TNS4: variants seen among roughly 807,000 people sequenced by gnomAD.
The protein encoded by TNS4 is tensin 4, also known as tensin-4.
A neutral mutation model predicts 70.4 loss-of-function variants in TNS4; 46 were observed. The ratio of observed to expected loss-of-function variants is 0.65; its 90% confidence interval spans 0.52 to 0.84. The LOEUF (loss-of-function observed/expected upper bound fraction) is 0.84. TNS4 is among the 40% of genes least tolerant of loss of function. The pLI is 0.00. For missense variants in TNS4, 863 were observed against 907.0 expected (o/e 0.95, Z 0.62); for synonymous variants, 390 against 366.6 (o/e 1.06, Z -0.73).
chr17:40,482,466 G>C (rs529352319), intron 6 of TNS4, 50 bp from the exon 7 acceptor site: 2 of 1,585,482 alleles, frequency 1.3e-6, no homozygotes, highest in Non-Finnish European at 1.7e-6. Flanking sequence ...CCTTGTGGCC[G>C]GGCGCGGTGG....
chr17:40,491,668 G>A (rs543994133), intron 2 of TNS4, among the ~76,000 whole-genome samples: 1 of 152,162 alleles, frequency 6.6e-6, no homozygotes, highest in Non-Finnish European at 1.5e-5. Context: ...GAGAGCGGGA[G>A]GGGAGGGAGG....
Position 40,487,245 on chromosome 17 carries a change from C to T in TNS4, c.1079G>A (p.Ser360Asn). The T allele has an allele frequency of 6.2e-7, 1 of 1,614,186 alleles. No homozygotes were observed. The change falls in exon 4 of 13, where the codon AGC becomes AAC. Residue 360 changes from serine (S) to asparagine (N), a missense_variant. Coordinates refer to ENST00000254051, the MANE Select transcript of TNS4 (RefSeq NM_032865.6). ...GGAGTTGGTGATGGATGGGGGGCAG[C>T]TGCTGGCATGTTCTTTGGCCAGTGG... ...SPPLAKEHAS[S>N]CPPSITNSMV...
chr17:40,497,713 A>T (rs2036164034), intron 1 of TNS4, among the ~76,000 whole-genome samples: 1 of 151,738 alleles, frequency 6.6e-6, no homozygotes, highest in Admixed American at 6.6e-5. Context: ...GTAACAGAGC[A>T]CCTGGGGTGG....
chr17:40,479,075 G>T lies in TNS4; in HGVS notation c.1911-427C>A, dbSNP rs116955575. Among the ~76,000 whole-genome samples, 708 of 152,280 alleles carry T rather than the reference G, an allele frequency of 4.6e-3. 3 individuals carry two copies. The highest frequency in any genetic ancestry group is 9.5e-3 in the Admixed American group (145 of 15,296). On this transcript the variant is annotated intron_variant, in intron 10 of 12. Transcript: ENST00000254051. ...GTCCCAGTGGTCAGCCAGTCTGGCC[G>T]AGGGAAGATGTTCCATCAATGGGTG...
Position 40,477,358 on chromosome 17 carries a change from T to C in TNS4, c.*230A>G. The C allele has an allele frequency of 1.9e-6, 1 of 515,666 alleles. No homozygotes were observed. Among genetic ancestry groups the C allele is most frequent in the East Asian group, 3.2e-5 (1 of 31,346 alleles). 31.9% of individuals were successfully genotyped at this position (515,666 alleles called of 1,614,324 possible). On this transcript the variant is annotated 3_prime_UTR_variant, in exon 13 of 13. Transcript: ENST00000254051. ...CACCAGCATCTAAGAACAGCTGATCTTGTCTATTGGTCTTCTTCTATGATT... is the reference window on the plus strand; with the variant it reads ...CACCAGCATCTAAGAACAGCTGATCCTGTCTATTGGTCTTCTTCTATGATT...
intron 12 of TNS4, chr17:40,477,941 T>C: frequency 1.6e-6 from 1 of 608,572 alleles, no homozygotes; most frequent in South Asian, 2.0e-5. Flanking sequence ...AAGCTCTGGG[T>C]TTCCTTTGTT....
rs766995138 is a variant in TNS4, at chr17:40,478,639, G to C, written c.1920C>G (p.Phe640Leu). 6.2e-7 allele frequency: 1 copy of C among 1,614,024 alleles called. No homozygotes were observed. The highest frequency in any genetic ancestry group is 1.1e-5 in the South Asian group (1 of 91,074). ...TLTDVQRKVF[F>L]RRHYPLTTLR... ...GGGTGGTGAGTGGGTAATGGCGCCG[G>C]AAAAACACCCTAGGAGGAGGCGGGG... The change falls in exon 11 of 13, where the codon TTC (phenylalanine) becomes TTG (leucine). Residue 640 changes from phenylalanine (F) to leucine (L), a missense_variant. Physicochemically the swap from Phe to Leu is conservative, Grantham distance 22. Transcript: ENST00000254051.
At position 40,479,764 on chromosome 17, in the gene TNS4, G is replaced by A. The variant is rs776396557; in HGVS notation, c.1820C>T (p.Thr607Ile). The A allele has an allele frequency of 2.5e-6, 4 of 1,614,104 alleles. No homozygotes were observed. The South Asian group carries it at 4.4e-5, about 18-fold the overall frequency. The change falls in exon 10 of 13, where the codon ACC becomes ATC. Residue 607 changes from threonine (T) to isoleucine (I), a missense_variant. Thr to Ile is a moderately conservative substitution (Grantham distance 89). Transcript: ENST00000254051. ...GALAVQKAIS[T>I]TFERDILPTP... ...GGGGAGGATGTCCCTCTCAAAGGTG[G>A]TGGAGATGGCTTTCTGCACGGCCAG...
rs767350873 is a variant in TNS4, at chr17:40,496,266, T to A, written c.160A>T (p.Met54Leu). The A allele has an allele frequency of 1.2e-6, 2 of 1,605,652 alleles. No homozygotes were observed. The highest frequency in any genetic ancestry group is 1.7e-6 in the Non-Finnish European group (2 of 1,176,060). ...TTEGWGAQAL[M>L]APVPCMGPPG... ...GGCCCCATGCAGGGCACGGGGGCCA[T>A]CAGGGCCTGGGCTCCCCAGCCTTCC... Residue 54 changes from methionine to leucine, a missense_variant, in exon 2 of 13, where the codon ATG becomes TTG. Physicochemically the swap from Met to Leu is conservative, Grantham distance 15. Coordinates refer to ENST00000254051, the MANE Select transcript of TNS4 (RefSeq NM_032865.6).
chr17:40,487,178 T>A lies in TNS4; in HGVS notation c.1146A>T (p.Glu382Asp), dbSNP rs1227691838. 1.9e-6 allele frequency: 3 copies of A among 1,614,020 alleles called. No homozygotes were observed. The African/African-American group carries it at 4.0e-5, about 22-fold the overall frequency. ...IPIVLINGCP[E>D]PGSSPPQRTP... ...TCCGCTGGGGTGGAGAAGACCCTGG[T>A]TCTGGGCAGCCGTTGATCAGCACAA... is the stretch of plus-strand genomic sequence containing the variant. Residue 382 changes from glutamate to aspartate, a missense_variant, in exon 4 of 13, where the codon GAA (glutamate) becomes GAT (aspartate). By Grantham distance (45) the Glu-to-Asp change is conservative (BLOSUM62 2). Transcript: ENST00000254051.
chr17:40,499,573 C>A (rs2036187164), intron 1 of TNS4, among the ~76,000 whole-genome samples: 1 of 152,258 alleles, frequency 6.6e-6, no homozygotes, highest in Non-Finnish European at 1.5e-5. Flanking sequence ...CCTCTCCTGC[C>A]TCCCCCAACG....
chr17:40,484,157 T>C (rs1302609275), intron 6 of TNS4, among the ~76,000 whole-genome samples: 1 of 152,196 alleles, frequency 6.6e-6, no homozygotes, highest in East Asian at 1.9e-4. Flanking sequence ...TTAGGTTCCC[T>C]GGAAATGAAT....
At chr17:40,494,464 A>G (rs550903989) in intron 2 of TNS4, among the ~76,000 whole-genome samples, 21 of 152,236 alleles carry the variant, frequency 1.4e-4, no homozygotes, top group African/African-American at 5.1e-4. Context: ...GGGTGTGGTG[A>G]CTCACACCTG....
rs1597685551 is a variant in TNS4 at position 40,477,239 on chromosome 17, C to T, written c.*349G>A. The T allele has an allele frequency of 2.1e-5, 4 of 192,542 alleles. No homozygotes were observed. The highest frequency in any genetic ancestry group is 5.7e-5 in the Admixed American group (1 of 17,640). The allele number at this position is 192,542 out of a possible 1,614,324, so 11.9% of individuals were successfully genotyped here. The stretch of plus-strand genomic sequence containing the variant: ...ACTGTTGTGTGGGCAGGGCCCAGGT[C>T]GATGGGGTCAGAGGGTCCTTGGAGG... On this transcript the variant is annotated 3_prime_UTR_variant, in exon 13 of 13. Coordinates refer to ENST00000254051, the MANE Select transcript of TNS4 (RefSeq NM_032865.6).
rs2035933084 is a variant in TNS4 at position 40,482,339 on chromosome 17, C to G, written c.1579G>C (p.Glu527Gln). The change falls in exon 7 of 13, where the codon GAG (glutamate) becomes CAG (glutamine). Residue 527 changes from glutamate (E) to glutamine (Q), a missense_variant. By Grantham distance (29) the Glu-to-Gln change is conservative (BLOSUM62 2). Coordinates refer to ENST00000254051, the MANE Select transcript of TNS4 (RefSeq NM_032865.6). ...AKGVHLKGAD[E>Q]EPYFGSLSAF... ...GGAGTCTCACCAAAGTAGGGCTCCT[C>G]ATCTGCTCCTTTGAGATGCACTCCT... The G allele has an allele frequency of 6.2e-7, 1 of 1,614,194 alleles. No homozygotes were observed. Among genetic ancestry groups the G allele is most frequent in the African/African-American group, 1.3e-5 (1 of 75,064 alleles).
chr17:40,491,191 G>C (rs2036062249), intron 2 of TNS4, among the ~76,000 whole-genome samples: 1 of 152,212 alleles, frequency 6.6e-6, no homozygotes, highest in Non-Finnish European at 1.5e-5. Context: ...GAGCAGGGCA[G>C]GCATTATTTT....
chr17:40,494,176 G>GT (rs2036110786), intron 2 of TNS4, among the ~76,000 whole-genome samples: 1 of 152,228 alleles, frequency 6.6e-6, no homozygotes, highest in Admixed American at 6.5e-5. Context: ...CAACCCCAAT[G>GT]TTTAATAAAA....
intron 2 of TNS4, among the ~76,000 whole-genome samples, chr17:40,491,967 T>C (rs936101107): frequency 1.3e-5 from 2 of 150,642 alleles, no homozygotes; most frequent in East Asian, 2.0e-4. Context: ...GGGTGCGGGG[T>C]GTTGGAGAGG....
intron 8 of TNS4, among the ~76,000 whole-genome samples, chr17:40,481,835 A>C (rs1329745392): frequency 3.9e-5 from 6 of 152,214 alleles, no homozygotes. Context: ...GCAGGCTGCT[A>C]TTTATCCAAC....
Sources: allele counts gnomAD v4.1 joint callset (sites outside exome capture counted in the v4.1 genomes callset), GRCh38; gene constraint gnomAD v4.1.1; transcripts MANE v1.5; gene names NCBI Gene and HGNC (gene_info 2026-07-23, HGNC 2026-07-21).